PCDHGB5: variants seen among roughly 807,000 people sequenced by gnomAD.
PCDHGB5 encodes protocadherin gamma subfamily B, 5, also known as protocadherin gamma-B5.
Under a neutral mutation model 62.9 loss-of-function variants are expected in PCDHGB5, and 48 were observed. The ratio of observed to expected loss-of-function variants is 0.76; its 90% CI spans 0.61 to 0.97. The LOEUF (loss-of-function observed/expected upper bound fraction) is 0.97. PCDHGB5 is among the 50% of genes least tolerant of loss of function. The pLI is 0.00. For synonymous variants in PCDHGB5, 474 were observed against 511.2 expected (o/e 0.93, Z 0.98); for missense variants, 1,118 against 1,198.6 (o/e 0.93, Z 0.99).
chr5:141,433,090 C>T, intron 1 of PCDHGB5: 2 of 1,614,210 alleles, frequency 1.2e-6, no homozygotes, highest in Non-Finnish European at 1.7e-6. Flanking sequence ...ACTATGCAGA[C>T]ATGCTCGTCA....
Position 141,432,292 on chromosome 5 carries a change from T to C in PCDHGB5, c.2397+31768T>C, listed in dbSNP as rs1339412798. 2 of 1,614,078 alleles carry C rather than the reference T, an allele frequency of 1.2e-6. No individual in the cohort carries two copies. The highest frequency in any genetic ancestry group is 2.2e-5 in the East Asian group (1 of 44,888). On this transcript the variant is annotated intron_variant, in intron 1 of 3. Coordinates refer to ENST00000617380, the MANE Select transcript of PCDHGB5 (RefSeq NM_018925.3). The surrounding 1 kb of genome is among the most constrained non-coding windows in gnomAD (Gnocchi z 6.0). ...CCTACGTGTCCATCAACTCCGACAC[T>C]GGGGTACTGTATGCGCTGAGCTCCT...
intron 2 of PCDHGB5, 76 bp from the exon 3 acceptor site, chr5:141,505,317 G>T: frequency 6.2e-7 from 1 of 1,603,092 alleles, no homozygotes. Flanking sequence ...AGGTTTGGGA[G>T]CCCTGGGAGA....
At chr5:141,497,713 T>C (rs1357797720) in intron 2 of PCDHGB5, among the ~76,000 whole-genome samples, 3 of 152,084 alleles carry the variant, frequency 2.0e-5, no homozygotes, top group Non-Finnish European at 1.5e-5. Context: ...CTCATTTTTG[T>C]ATTTTTAGTA....
At chr5:141,501,290 TACACACACACACACACACACACACAC>T (rs55762287) in intron 2 of PCDHGB5, among the ~76,000 whole-genome samples, 1 of 136,164 alleles carries the variant, frequency 7.3e-6, no homozygotes, top group Non-Finnish European at 1.6e-5. Flanking sequence ...TATTCCCTTA[TACACACACACACACACACACACACAC>T]ACACACACAC....
chr5:141,423,766 C>A, intron 1 of PCDHGB5: 1 of 1,110,086 alleles, frequency 9.0e-7, no homozygotes, highest in Non-Finnish European at 1.1e-6. Context: ...GGGGGTGGGG[C>A]GGCATATATT....
Position 141,476,085 on chromosome 5 carries a change from G to C in PCDHGB5, c.2398-18722G>C, listed in dbSNP as rs1163057402. On this transcript the variant is annotated intron_variant, in intron 1 of 3. Coordinates refer to ENST00000617380, the MANE Select transcript of PCDHGB5 (RefSeq NM_018925.3). This position sits in a 1 kb window ranked among gnomAD's most constrained non-coding sequence, Gnocchi z 7.6. ...TCAGCGAAATCTCAGGGACGATCTG[G>C]ACCCCGCTGAGAGGAACTGCTTTTG... 1.3e-6 allele frequency: 2 copies of C among 1,551,682 alleles called. No individual in the cohort carries two copies. Among genetic ancestry groups the C allele is most frequent in the East Asian group, 2.3e-5 (1 of 44,392 alleles).
At chr5:141,414,106 C>G (rs1424739885) in intron 1 of PCDHGB5, 2 of 1,592,536 alleles carry the variant, frequency 1.3e-6, no homozygotes, top group Non-Finnish European at 1.7e-6. Context: ...ATCAGAAAAT[C>G]TAGATTATGA....
intron 1 of PCDHGB5, chr5:141,430,854 G>A (rs140440273): frequency 5.0e-6 from 8 of 1,587,648 alleles, no homozygotes; most frequent in Middle Eastern, 1.7e-4. Flanking sequence ...ACCCAGATAC[G>A]CTATTCAGTT....
Position 141,490,983 on chromosome 5 carries a change from C to T in PCDHGB5, c.2398-3824C>T. ...ACTCAGCCCCCCAGCGTCTCCCTCG[C>T]TCTGCTCCTCCTGGCTCCTTGGTCA... On this transcript the variant is annotated intron_variant, in intron 1 of 3. Transcript: ENST00000617380. The surrounding 1 kb of genome is among the most constrained non-coding windows in gnomAD (Gnocchi z 5.4). 2 of 1,614,120 alleles carry T rather than the reference C, an allele frequency of 1.2e-6. No individual in the cohort carries two copies. Among genetic ancestry groups the T allele is most frequent in the South Asian group, 2.2e-5 (2 of 91,082 alleles).
chr5:141,432,586 C>G lies in PCDHGB5; in HGVS notation c.2397+32062C>G. 6.2e-7 allele frequency: 1 copy of G among 1,613,852 alleles called. No homozygotes were observed. The highest frequency in any genetic ancestry group is 8.5e-7 in the Non-Finnish European group (1 of 1,179,972). On this transcript the variant is annotated intron_variant, in intron 1 of 3. Transcript: ENST00000617380. The surrounding 1 kb of genome is among the most constrained non-coding windows in gnomAD (Gnocchi z 6.0). ...ACGCCTGGCTGTCCTACCGTCTGCT[C>G]AAGGCCAGCGAGCCGGGACTCTTCT...
intron 1 of PCDHGB5, chr5:141,420,410 A>G (rs2096494809): frequency 2.4e-6 from 3 of 1,236,296 alleles, no homozygotes; most frequent in South Asian, 4.4e-5. Flanking sequence ...TATGGTTATC[A>G]TTATTAAAAC....
intron 2 of PCDHGB5, among the ~76,000 whole-genome samples, chr5:141,497,290 C>A (rs182104163): frequency 4.7e-4 from 72 of 152,184 alleles, no homozygotes; most frequent in Middle Eastern, 3.4e-3. Flanking sequence ...CTCTACCTAC[C>A]ACCACCCCAG....
Position 141,485,138 on chromosome 5 carries a change from T to A in PCDHGB5, c.2398-9669T>A, listed in dbSNP as rs374309554. On this transcript the variant is annotated intron_variant, in intron 1 of 3. Coordinates refer to ENST00000617380, the MANE Select transcript of PCDHGB5 (RefSeq NM_018925.3). This position sits in a 1 kb window ranked among gnomAD's most constrained non-coding sequence, Gnocchi z 5.7. ...TTGGGGCGGGTCGGCTTCATCCGCG[T>A]CTCAGGAGCAAGTAGAGAATTAGCG... is the stretch of plus-strand genomic sequence containing the variant. 17 of 1,528,690 alleles carry A rather than the reference T, an allele frequency of 1.1e-5. No individual in the cohort carries two copies. The highest frequency in any genetic ancestry group is 1.3e-5 in the Non-Finnish European group (14 of 1,109,458). 94.7% of individuals were successfully genotyped at this position (1,528,690 alleles called of 1,614,324 possible).
intron 3 of PCDHGB5, among the ~76,000 whole-genome samples, 153 bp from the exon 4 acceptor site, chr5:141,510,790 GAAGA>G (rs982513431): frequency 6.6e-5 from 10 of 152,264 alleles, no homozygotes; most frequent in African/African-American, 2.4e-4. Context: ...CAACTCTTGT[GAAGA>G]GAGACTACCT....
intron 1 of PCDHGB5, chr5:141,433,012 G>A (rs1402902269): frequency 2.5e-6 from 4 of 1,614,054 alleles, no homozygotes; most frequent in Non-Finnish European, 3.4e-6. Flanking sequence ...CTTTCCTGCA[G>A]ACCTATTCCC....
chr5:141,418,542 T>A (rs1260030087), intron 1 of PCDHGB5: 1 of 1,614,028 alleles, frequency 6.2e-7, no homozygotes, highest in South Asian at 1.1e-5. Context: ...ACTGCTCAGA[T>A]AAGAATCCTG....
chr5:141,425,795 T>A (rs2096894407), intron 1 of PCDHGB5, among the ~76,000 whole-genome samples: 1 of 152,244 alleles, frequency 6.6e-6, no homozygotes, highest in Non-Finnish European at 1.5e-5. Flanking sequence ...TTCCAATATG[T>A]GCATTGCTTC....
In PCDHGB5 at chr5:141,461,484, T is replaced by C. The variant is rs1171584384; in HGVS notation, c.2398-33323T>C. On this transcript the variant is annotated intron_variant, in intron 1 of 3. Transcript: ENST00000617380. ...GTCCTTTGCCTACTTTTTAATGGGATTGTGTTTTATTTTTCTTGGTGATTT... is the reference window on the plus strand; with the variant it reads ...GTCCTTTGCCTACTTTTTAATGGGACTGTGTTTTATTTTTCTTGGTGATTT... 2.6e-5 allele frequency among the ~76,000 whole-genome samples: 4 copies of C among 152,152 alleles called. No homozygotes were observed. In the East Asian group the frequency reaches 7.7e-4, roughly 29 times the overall value.
chr5:141,456,312 GCTC>G (rs2098849548), intron 1 of PCDHGB5, among the ~76,000 whole-genome samples: 1 of 152,126 alleles, frequency 6.6e-6, no homozygotes, highest in Admixed American at 6.6e-5. Context: ...AGCAGCTAGG[GCTC>G]CTCCTGGGGT....
Sources: allele counts gnomAD v4.1 joint callset (sites outside exome capture counted in the v4.1 genomes callset), GRCh38; gene constraint gnomAD v4.1.1; non-coding constraint Gnocchi (gnomAD v3.1); transcripts MANE v1.5; gene names NCBI Gene and HGNC (gene_info 2026-07-23, HGNC 2026-07-21).